Variants in NLGN1 observed in about 807,000 individuals in gnomAD.
NLGN1 encodes neuroligin-1.
A neutral mutation model predicts 65.5 loss-of-function variants in NLGN1; 12 were observed. The ratio of observed to expected loss-of-function variants is 0.18; its 90% confidence interval spans 0.12 to 0.30. The LOEUF (loss-of-function observed/expected upper bound fraction) is 0.30, where lower values mean the gene tolerates loss of function less well. Among genes scored for constraint, NLGN1 ranks in the 10% least tolerant of loss-of-function variants. The pLI is 1.00. For missense variants in NLGN1, 750 were observed against 1,007.1 expected, an observed-to-expected ratio of 0.74 and a Z score of 3.46; for synonymous variants, 350 against 359.5, an observed-to-expected ratio of 0.97 and a Z score of 0.30.
At chr3:174,030,868 AG>A (rs1015904306) in intron 4 of NLGN1, among the ~76,000 whole-genome samples, 1 of 152,174 alleles carries the variant, frequency 6.6e-6, no homozygotes, top group African/African-American at 2.4e-5. Flanking sequence ...TATCTCTAGA[AG>A]CGAGGATAAT....
chr3:173,860,044 CT>C (rs935931199), intron 4 of NLGN1, among the ~76,000 whole-genome samples: 1 of 151,648 alleles, frequency 6.6e-6, no homozygotes, highest in African/African-American at 2.4e-5. Flanking sequence ...TATTTTGTTT[CT>C]TTGTTTTCCT....
At chr3:174,018,182 G>A (rs1235301709) in intron 4 of NLGN1, among the ~76,000 whole-genome samples, 1 of 152,152 alleles carries the variant, frequency 6.6e-6, no homozygotes, top group African/African-American at 2.4e-5. Flanking sequence ...CTCTCAGGCA[G>A]CCAGACCTAA....
intron 2 of NLGN1, among the ~76,000 whole-genome samples, chr3:173,529,164 A>G (rs950629466): frequency 2.0e-5 from 3 of 152,126 alleles, no homozygotes; most frequent in Non-Finnish European, 4.4e-5. Context: ...ACTGTACAGT[A>G]TGTTAGGTAG....
At chr3:173,910,393 C>T (rs1739351957) in intron 4 of NLGN1, 1 of 152,180 alleles carries the variant, frequency 6.6e-6, no homozygotes. Flanking sequence ...CTACAACAGA[C>T]TGGATATCAG....
At chr3:173,863,624 C>T (rs1421450840) in intron 4 of NLGN1, among the ~76,000 whole-genome samples, 1 of 152,182 alleles carries the variant, frequency 6.6e-6, no homozygotes, top group Non-Finnish European at 1.5e-5. Flanking sequence ...AGGATGTGCA[C>T]ATGGACTAAC....
At chr3:174,075,012 A>G (rs555063481) in intron 4 of NLGN1, among the ~76,000 whole-genome samples, 2 of 152,298 alleles carry the variant, frequency 1.3e-5, no homozygotes, top group Admixed American at 6.5e-5. Flanking sequence ...CTTAGACCCA[A>G]TACATTCCTG....
intron 2 of NLGN1, among the ~76,000 whole-genome samples, chr3:173,597,549 T>C (rs1423617760): frequency 6.6e-6 from 1 of 152,146 alleles, no homozygotes; most frequent in Non-Finnish European, 1.5e-5. Flanking sequence ...AAAGTAATGA[T>C]TCCCACACCT....
At chr3:173,402,119 A>G (rs1717807028) in intron 1 of NLGN1, among the ~76,000 whole-genome samples, 1 of 152,196 alleles carries the variant, frequency 6.6e-6, no homozygotes, top group African/African-American at 2.4e-5. Context: ...TAATGCTTGT[A>G]TTTAGAAAGA....
chr3:173,621,130 A>C (rs1480502393), intron 3 of NLGN1, among the ~76,000 whole-genome samples: 2 of 152,152 alleles, frequency 1.3e-5, no homozygotes, highest in Non-Finnish European at 2.9e-5. Context: ...GGGTACTCAA[A>C]ATGTGATATA....
At chr3:173,440,281 AACC>A (rs1306976420) in intron 2 of NLGN1, among the ~76,000 whole-genome samples, 8 of 152,256 alleles carry the variant, frequency 5.3e-5, no homozygotes, top group Admixed American at 4.6e-4. Context: ...TGAAGACTTA[AACC>A]ACTCAAAGTC....
chr3:173,431,206 T>G (rs1048101757), intron 1 of NLGN1, among the ~76,000 whole-genome samples: 18 of 152,212 alleles, frequency 1.2e-4, no homozygotes, highest in Non-Finnish European at 2.2e-4. Flanking sequence ...AGCACTTTCT[T>G]GACTTCTGGC....
At chr3:174,205,491 T>G (rs980759795) in intron 4 of NLGN1, among the ~76,000 whole-genome samples, 2 of 152,154 alleles carry the variant, frequency 1.3e-5, no homozygotes, top group Admixed American at 1.3e-4. Context: ...AGAATATGCA[T>G]ATTATGGTAG....
At chr3:173,845,885 A>G (rs1280621393) in intron 4 of NLGN1, among the ~76,000 whole-genome samples, 1 of 152,140 alleles carries the variant, frequency 6.6e-6, no homozygotes, top group Non-Finnish European at 1.5e-5. Flanking sequence ...TCGATATCAT[A>G]GTATTCAGTC....
intron 3 of NLGN1, among the ~76,000 whole-genome samples, chr3:173,769,092 T>C (rs905271691): frequency 6.6e-6 from 1 of 152,142 alleles, no homozygotes; most frequent in Admixed American, 6.6e-5. Flanking sequence ...TTGGTCTCCA[T>C]TACTTTGTTC....
chr3:173,580,573 G>A (rs568879130), intron 2 of NLGN1, among the ~76,000 whole-genome samples: 2 of 151,970 alleles, frequency 1.3e-5, no homozygotes, highest in African/African-American at 4.8e-5. Context: ...GTATCATGAA[G>A]GATACAAATA....
intron 3 of NLGN1, among the ~76,000 whole-genome samples, chr3:173,783,716 G>A (rs1213832179): frequency 6.6e-6 from 1 of 152,168 alleles, no homozygotes; most frequent in Non-Finnish European, 1.5e-5. Flanking sequence ...ATGGGATTCA[G>A]CGATTCTCCA....
chr3:174,089,888 A>T (rs957401874), intron 4 of NLGN1, among the ~76,000 whole-genome samples: 1 of 136,890 alleles, frequency 7.3e-6, no homozygotes, highest in African/African-American at 3.0e-5. Flanking sequence ...GGGACTGCAT[A>T]AACAGGCTTT....
At chr3:173,768,725 A>C (rs1779138711) in intron 3 of NLGN1, among the ~76,000 whole-genome samples, 1 of 152,200 alleles carries the variant, frequency 6.6e-6, no homozygotes, top group Non-Finnish European at 1.5e-5. Flanking sequence ...TCCTAACGTT[A>C]CAACTAAATT....
chr3:173,889,249 T>A (rs1023424361), intron 4 of NLGN1, among the ~76,000 whole-genome samples: 7 of 152,170 alleles, frequency 4.6e-5, no homozygotes, highest in African/African-American at 1.7e-4. Flanking sequence ...CAGAGCTGCA[T>A]ATAAGCAAAA....
Sources: allele counts gnomAD v4.1 joint callset (sites outside exome capture counted in the v4.1 genomes callset), GRCh38; gene constraint gnomAD v4.1.1; transcripts MANE v1.5; gene names NCBI Gene and HGNC (gene_info 2026-07-23, HGNC 2026-07-21).